Variants in CSMD1 observed in about 807,000 individuals in gnomAD.
The protein encoded by CSMD1 is CUB and Sushi multiple domains 1.
CSMD1 carries 213 observed loss-of-function variants against 417.5 expected under a neutral mutation model. The observed-to-expected ratio is 0.51, with a 90% CI of 0.46 to 0.57. The LOEUF (loss-of-function observed/expected upper bound fraction) is 0.57. CSMD1 is among the 20% of genes least tolerant of loss of function. The probability of loss-of-function intolerance (pLI) is 0.00; values close to 1 mark genes in which losing one functional copy is unlikely to be tolerated. For missense variants in CSMD1, 6,923 were observed against 4,529.7 expected (o/e 1.53, Z -15.17); for synonymous variants, 2,862 against 1,736.8 (o/e 1.65, Z -16.11).
chr8:3,703,218 A>G (rs184984501), intron 7 of CSMD1, among the ~76,000 whole-genome samples: 9 of 152,298 alleles, frequency 5.9e-5, no homozygotes, highest in Non-Finnish European at 1.0e-4. Flanking sequence ...AAGAGTTGAA[A>G]TATCTCTAAA....
intron 1 of CSMD1, among the ~76,000 whole-genome samples, chr8:4,875,980 C>T (rs1441471780): frequency 6.6e-6 from 1 of 151,952 alleles, no homozygotes; most frequent in Non-Finnish European, 1.5e-5. Context: ...TTCTTATGAA[C>T]ACGATTTTTA....
chr8:4,144,828 T>C (rs951388494), intron 3 of CSMD1, among the ~76,000 whole-genome samples: 8 of 150,918 alleles, frequency 5.3e-5, no homozygotes, highest in Non-Finnish European at 1.2e-4. Flanking sequence ...ACATTCGCAA[T>C]CATTCACAAT....
chr8:4,461,445 T>C (rs968849993), intron 2 of CSMD1, among the ~76,000 whole-genome samples: 6 of 149,688 alleles, frequency 4.0e-5, no homozygotes, highest in Non-Finnish European at 7.4e-5. Flanking sequence ...TGATCTAGTA[T>C]ACAGAACATC....
intron 1 of CSMD1, among the ~76,000 whole-genome samples, chr8:4,912,040 G>GAAGAAA (rs1025833411): frequency 5.7e-5 from 7 of 122,104 alleles, no homozygotes; most frequent in African/African-American, 1.9e-4. Flanking sequence ...AGGAAAAAAA[G>GAAGAAA]AAGAAAAAGA....
chr8:3,742,978 C>A (rs1450549041), intron 6 of CSMD1, among the ~76,000 whole-genome samples: 1 of 152,208 alleles, frequency 6.6e-6, no homozygotes. Context: ...GACTACACAA[C>A]TAGTGGAAGC....
intron 8 of CSMD1, among the ~76,000 whole-genome samples, chr8:3,602,716 T>TAC (rs34593924): frequency 0.063 from 9,300 of 146,622 alleles, 316 homozygotes; most frequent in Middle Eastern, 0.15. Flanking sequence ...CAGGAAGAAT[T>TAC]ACACACACAC....
At chr8:3,139,459 A>G (rs1818303386) in intron 41 of CSMD1, among the ~76,000 whole-genome samples, 1 of 152,206 alleles carries the variant, frequency 6.6e-6, no homozygotes, top group Admixed American at 6.5e-5. Context: ...GGATGTCACC[A>G]GGAGACATGA....
chr8:4,943,812 A>T (rs553994496), intron 1 of CSMD1, among the ~76,000 whole-genome samples: 8 of 152,210 alleles, frequency 5.3e-5, no homozygotes, highest in Non-Finnish European at 1.2e-4. Context: ...ATGAACGAAG[A>T]TTTGACAGCA....
intron 1 of CSMD1, among the ~76,000 whole-genome samples, chr8:4,732,719 C>T (rs959961480): frequency 6.6e-6 from 1 of 152,114 alleles, no homozygotes; most frequent in African/African-American, 2.4e-5. Context: ...TTGTAGTTTA[C>T]ATCGTTTTTA....
intron 3 of CSMD1, among the ~76,000 whole-genome samples, chr8:4,404,877 TCA>T (rs1178014839): frequency 3.3e-5 from 5 of 152,172 alleles, no homozygotes; most frequent in African/African-American, 1.2e-4. Flanking sequence ...TCCATGCACT[TCA>T]CATTTATTTC....
chr8:4,527,522 G>A (rs540943266), intron 2 of CSMD1, among the ~76,000 whole-genome samples: 4 of 152,220 alleles, frequency 2.6e-5, no homozygotes, highest in Non-Finnish European at 4.4e-5. Flanking sequence ...TTTCCAAAAC[G>A]CAGGTTATCC....
chr8:3,931,412 T>C lies in CSMD1; in HGVS notation c.818+66491A>G, dbSNP rs939012497. ...CATTCATTCTTTTACCCATTCTGGGTATTGTGGAAAAAAAAATCTTTCAAT... is the reference window on the plus strand; with the variant it reads ...CATTCATTCTTTTACCCATTCTGGGCATTGTGGAAAAAAAAATCTTTCAAT... On this transcript the variant is annotated intron_variant, in intron 5 of 69. Transcript: ENST00000635120. Among the ~76,000 whole-genome samples, 5 of 150,572 alleles carry C rather than the reference T, an allele frequency of 3.3e-5. 1 individual carries two copies. Among genetic ancestry groups the C allele is most frequent in the African/African-American group, 4.9e-5 (2 of 40,826 alleles).
intron 3 of CSMD1, among the ~76,000 whole-genome samples, chr8:4,105,140 A>G (rs778357113): frequency 1.3e-5 from 2 of 152,212 alleles, no homozygotes; most frequent in Non-Finnish European, 2.9e-5. Flanking sequence ...ACAATCACTA[A>G]TAACGTACAA....
chr8:3,674,590 T>C (rs950734522), intron 7 of CSMD1, among the ~76,000 whole-genome samples: 1 of 113,128 alleles, frequency 8.8e-6, no homozygotes, highest in African/African-American at 2.8e-5. Flanking sequence ...CTGCAAAATA[T>C]ATTATAACTC....
intron 3 of CSMD1, among the ~76,000 whole-genome samples, chr8:4,190,649 A>C (rs546155256): frequency 9.5e-4 from 144 of 152,158 alleles, no homozygotes; most frequent in African/African-American, 3.4e-3. Context: ...TGTTGTAATG[A>C]GACTGAAATC....
intron 5 of CSMD1, among the ~76,000 whole-genome samples, chr8:3,891,593 G>C (rs745679331): frequency 4.5e-4 from 69 of 152,036 alleles, no homozygotes; most frequent in Non-Finnish European, 2.1e-4. Flanking sequence ...TGAGATGCGA[G>C]GATTGTTTGA....
At chr8:3,029,636 T>G in intron 50 of CSMD1, 123 bp from the exon 51 acceptor site, 1 of 730,586 alleles carries the variant, frequency 1.4e-6, no homozygotes, top group Non-Finnish European at 2.2e-6. Context: ...TTGATGCCAT[T>G]ACGTATTATC....
At chr8:4,257,779 C>T (rs914600012) in intron 3 of CSMD1, among the ~76,000 whole-genome samples, 10 of 152,136 alleles carry the variant, frequency 6.6e-5, no homozygotes, top group African/African-American at 1.7e-4. Context: ...GCATCCGCCT[C>T]GTAGGAATGC....
intron 5 of CSMD1, among the ~76,000 whole-genome samples, chr8:3,792,890 T>G (rs1227272938): frequency 2.0e-5 from 3 of 152,150 alleles, no homozygotes; most frequent in Non-Finnish European, 4.4e-5. Flanking sequence ...CTTGAGAACA[T>G]CTAACCTACC....
Sources: allele counts gnomAD v4.1 joint callset (sites outside exome capture counted in the v4.1 genomes callset), GRCh38; gene constraint gnomAD v4.1.1; transcripts MANE v1.5; gene names NCBI Gene and HGNC (gene_info 2026-07-23, HGNC 2026-07-21).